The following EIF4H variants were observed in gnomAD, a reference collection of about 807,000 sequenced individuals.
EIF4H encodes eukaryotic translation initiation factor 4H, also known as Williams-Beuren syndrome chromosome region 1.
A neutral mutation model predicts 30.6 loss-of-function variants in EIF4H; 8 were observed. The observed-to-expected ratio is 0.26, with a 90% CI of 0.15 to 0.47. The LOEUF is 0.47. Among genes scored for constraint, EIF4H ranks in the 20% least tolerant of loss-of-function variants. The pLI, the probability that EIF4H is intolerant of heterozygous loss-of-function variation, is 0.99. For missense variants in EIF4H, 188 were observed against 339.5 expected (o/e 0.55, Z 3.51); for synonymous variants, 106 against 122.7 (o/e 0.86, Z 0.90).
intron 1 of EIF4H, among the ~76,000 whole-genome samples, chr7:74,177,812 T>A (rs781931942): frequency 2.0e-5 from 3 of 152,218 alleles, no homozygotes; most frequent in Non-Finnish European, 4.4e-5. Context: ...TGCATGACGG[T>A]TCATGTAAAA....
rs568019074 is a variant in EIF4H at position 74,174,392 on chromosome 7, C to T, written c.9C>T (p.Asp3=). The T allele has an allele frequency of 1.4e-6, 2 of 1,461,192 alleles. No individual in the cohort carries two copies. The highest frequency in any genetic ancestry group is 1.5e-5 in the African/African-American group (1 of 68,782). The allele number at this position is 1,461,192 out of a possible 1,614,324, so 90.5% of individuals were successfully genotyped here. ...CGGAGCGGAGACGGCAAATGGCGGA[C>T]TTCGACACCTACGACGATCGGGCCT... MA[D]FDTYDDRAYS... Residue 3 remains aspartate (D), a synonymous_variant, in exon 1 of 7, where the codon GAC becomes GAT. Transcript: ENST00000265753.
At chr7:74,191,356 TC>T in intron 5 of EIF4H, 1 of 505,884 alleles carries the variant, frequency 2.0e-6, no homozygotes, top group Non-Finnish European at 4.1e-6. Flanking sequence ...AGTTTGGTAT[TC>T]GCAGGTGTTA....
intron 1 of EIF4H, among the ~76,000 whole-genome samples, chr7:74,180,911 G>GT (rs1800944941): frequency 6.6e-6 from 1 of 152,102 alleles, no homozygotes; most frequent in Non-Finnish European, 1.5e-5. Flanking sequence ...CTAAATAATT[G>GT]TTTTTTTAAT....
chr7:74,190,824 A>G (rs1454571426), intron 5 of EIF4H, among the ~76,000 whole-genome samples: 1 of 151,910 alleles, frequency 6.6e-6, no homozygotes, highest in Admixed American at 6.6e-5. Context: ...AGCACAAAGC[A>G]TCAGTCCACA....
intron 1 of EIF4H, among the ~76,000 whole-genome samples, chr7:74,182,220 C>T (rs1399298672): frequency 3.3e-5 from 5 of 152,114 alleles, no homozygotes; most frequent in African/African-American, 1.2e-4. Context: ...AATATAGTGA[C>T]CTGTATACCC....
chr7:74,194,985 A>AT (rs1801310062), intron 6 of EIF4H, 107 bp downstream of exon 6: 9 of 1,507,176 alleles, frequency 6.0e-6, no homozygotes, highest in Non-Finnish European at 7.1e-6. Context: ...AGTTGTCGGC[A>AT]TAGATCCCCA....
At chr7:74,182,197 C>G (rs936212338) in intron 1 of EIF4H, among the ~76,000 whole-genome samples, 8 of 152,078 alleles carry the variant, frequency 5.3e-5, no homozygotes, top group Admixed American at 4.6e-4. Flanking sequence ...ATTTAGAACA[C>G]GAACCAAAGC....
intron 5 of EIF4H, among the ~76,000 whole-genome samples, chr7:74,194,474 T>C (rs1801296557): frequency 1.3e-5 from 2 of 152,236 alleles, no homozygotes; most frequent in African/African-American, 4.8e-5. Flanking sequence ...TTTCTACTTT[T>C]CATGCAAGCT....
intron 5 of EIF4H, among the ~76,000 whole-genome samples, chr7:74,191,000 C>T (rs543939730): frequency 6.6e-6 from 1 of 152,252 alleles, no homozygotes; most frequent in East Asian, 1.9e-4. Flanking sequence ...TTCCCGCAAA[C>T]TTGGGATGTG....
At position 74,195,502 on chromosome 7, in the gene EIF4H, C is replaced by T. The variant is rs1175626703; in HGVS notation, c.*194C>T. On this transcript the variant is annotated 3_prime_UTR_variant, in exon 7 of 7. Transcript: ENST00000265753. ...ACATTCTGGGCTTTGCTGTATCTAT[C>T]TAGTGCCTGTTTGTGCGTTTTTTTC... The T allele has an allele frequency of 2.8e-5, 14 of 508,564 alleles. No homozygotes were observed. Among genetic ancestry groups the T allele is most frequent in the African/African-American group, 2.2e-4 (11 of 50,508 alleles). 31.5% of individuals were successfully genotyped at this position (508,564 alleles called of 1,614,324 possible). A position where few individuals can be genotyped will look rare whatever the true frequency, so the allele number is the denominator to read the frequency against.
At chr7:74,189,801 C>T (rs546361192) in intron 3 of EIF4H, 21 bp from the exon 4 acceptor site, 1 of 1,614,132 alleles carries the variant, frequency 6.2e-7, no homozygotes, top group Non-Finnish European at 8.5e-7. Flanking sequence ...AATACTTACA[C>T]TATTTTCCCT....
intron 4 of EIF4H, 26 bp downstream of exon 4, chr7:74,189,944 A>T (rs1554709667): frequency 1.9e-6 from 3 of 1,611,774 alleles, no homozygotes; most frequent in East Asian, 2.2e-5. Flanking sequence ...AAAGCTGAAC[A>T]TCATAAAGAT....
chr7:74,174,591 G>A (rs1044940147), intron 1 of EIF4H, 149 bp downstream of exon 1: 28 of 718,060 alleles, frequency 3.9e-5, no homozygotes, highest in Admixed American at 2.0e-4. Flanking sequence ...GCCGGGGCCT[G>A]GAAATGGCGC....
chr7:74,188,722 G>A (rs1460228266), intron 2 of EIF4H, among the ~76,000 whole-genome samples: 3 of 152,188 alleles, frequency 2.0e-5, no homozygotes, highest in South Asian at 2.1e-4. Context: ...TGGGTCAGTC[G>A]CTGCAGGCTT....
chr7:74,187,554 C>T (rs1801114543), intron 1 of EIF4H, 57 bp from the exon 2 acceptor site: 3 of 1,437,706 alleles, frequency 2.1e-6, no homozygotes, highest in South Asian at 1.7e-5. Context: ...GACCGCTTTA[C>T]TTGTTTTGCT....
intron 1 of EIF4H, among the ~76,000 whole-genome samples, chr7:74,186,969 A>G (rs77523820): frequency 0.021 from 3,120 of 152,012 alleles, 50 homozygotes; most frequent in Non-Finnish European, 0.032. Flanking sequence ...AACGTAAACA[A>G]CTTCAGTAAT....
At chr7:74,182,082 C>T (rs1266380510) in intron 1 of EIF4H, among the ~76,000 whole-genome samples, 5 of 152,054 alleles carry the variant, frequency 3.3e-5, no homozygotes, top group African/African-American at 4.8e-5. Context: ...CTTTAACCAA[C>T]AGTTTTTCCA....
chr7:74,192,523 C>T (rs1554710099), intron 5 of EIF4H, among the ~76,000 whole-genome samples: 1 of 152,056 alleles, frequency 6.6e-6, no homozygotes, highest in African/African-American at 2.4e-5. Context: ...CGGCCCCCAC[C>T]ACAGGTGATG....
intron 5 of EIF4H, chr7:74,191,263 T>C (rs1554709916): frequency 1.9e-6 from 1 of 533,942 alleles, no homozygotes; most frequent in South Asian, 1.4e-5. Flanking sequence ...TAATTTTATG[T>C]ATAAGCTAGT....
Sources: allele counts gnomAD v4.1 joint callset (sites outside exome capture counted in the v4.1 genomes callset), GRCh38; gene constraint gnomAD v4.1.1; transcripts MANE v1.5; gene names NCBI Gene and HGNC (gene_info 2026-07-23, HGNC 2026-07-21).